Variants in SDK2 observed in about 807,000 individuals in gnomAD.
The protein encoded by SDK2 is sidekick cell adhesion molecule 2.
SDK2 carries 105 observed loss-of-function variants against 253.9 expected under a neutral mutation model. The observed-to-expected ratio is 0.41, with a 90% CI of 0.35 to 0.49. The LOEUF is 0.49. Ranked by LOEUF, SDK2 falls within the 20% of genes least tolerant of loss-of-function variation. The pLI is 0.06. For synonymous variants in SDK2, 1,249 were observed against 1,234.9 expected (o/e 1.01, Z -0.24); for missense variants, 2,608 against 3,003.0 (o/e 0.87, Z 3.07).
At chr17:73,568,738 A>G (rs2045341688) in intron 1 of SDK2, among the ~76,000 whole-genome samples, 1 of 152,116 alleles carries the variant, frequency 6.6e-6, no homozygotes, top group Admixed American at 6.5e-5. Context: ...GGAGAAAGAC[A>G]AATTGAAGAT....
chr17:73,524,784 C>A (rs948721052), intron 1 of SDK2, among the ~76,000 whole-genome samples: 1 of 152,224 alleles, frequency 6.6e-6, no homozygotes, highest in African/African-American at 2.4e-5. Context: ...GATTGGAATG[C>A]CAAGCTGTCT....
At chr17:73,396,825 G>A (rs556050253) in intron 24 of SDK2, among the ~76,000 whole-genome samples, 2 of 152,332 alleles carry the variant, frequency 1.3e-5, no homozygotes, top group South Asian at 2.1e-4. Flanking sequence ...GGATGCCTGG[G>A]AGCAAAGAGG....
intron 1 of SDK2, among the ~76,000 whole-genome samples, chr17:73,557,217 C>T (rs1050289562): frequency 7.9e-5 from 12 of 152,198 alleles, no homozygotes; most frequent in African/African-American, 2.4e-4. Context: ...TCATAGCGCA[C>T]GCTCAACAAA....
intron 18 of SDK2, among the ~76,000 whole-genome samples, chr17:73,409,203 G>A (rs1005917428): frequency 1.3e-4 from 20 of 152,136 alleles, no homozygotes; most frequent in Non-Finnish European, 2.6e-4. Flanking sequence ...GGGGGCAGCC[G>A]GGTGTGGTGG....
intron 1 of SDK2, among the ~76,000 whole-genome samples, chr17:73,550,981 G>A (rs1411245079): frequency 1.3e-5 from 2 of 152,136 alleles, no homozygotes; most frequent in Non-Finnish European, 2.9e-5. Flanking sequence ...CCTGTCTCCT[G>A]TCAGTGCTTC....
At chr17:73,388,293 A>G (rs1452605122) in intron 29 of SDK2, among the ~76,000 whole-genome samples, 6 of 152,160 alleles carry the variant, frequency 3.9e-5, no homozygotes, top group African/African-American at 7.2e-5. Flanking sequence ...GGGCAGCCCT[A>G]AGCAAGGATT....
chr17:73,510,326 TA>T lies in SDK2; in HGVS notation c.65-2730del, dbSNP rs150377396. On this transcript the variant is annotated intron_variant, in intron 1 of 44. Transcript: ENST00000392650. ...CTGAGGGCTCAATCTTATTAATATA[TA>T]ACCTGCGGCAGGTTGGGAGGCTTTT... 2.9e-3 allele frequency among the ~76,000 whole-genome samples: 447 copies of T among 152,220 alleles called. 2 individuals carry two copies. Among genetic ancestry groups the T allele is most frequent in the East Asian group, 0.011 (59 of 5,168 alleles).
At chr17:73,430,714 G>T in intron 11 of SDK2, 101 bp from the exon 12 acceptor site, 1 of 724,388 alleles carries the variant, frequency 1.4e-6, no homozygotes, top group Non-Finnish European at 2.1e-6. Context: ...TGGTTAAAAA[G>T]AACAATGAGC....
At chr17:73,345,156 T>TA (rs2062472042) in intron 44 of SDK2, among the ~76,000 whole-genome samples, 1 of 152,084 alleles carries the variant, frequency 6.6e-6, no homozygotes, top group Non-Finnish European at 1.5e-5. Flanking sequence ...CCGTCTTTAC[T>TA]AAAAATACAA....
intron 4 of SDK2, among the ~76,000 whole-genome samples, chr17:73,448,909 C>T (rs1043440639): frequency 6.6e-6 from 1 of 152,148 alleles, no homozygotes; most frequent in Non-Finnish European, 1.5e-5. Context: ...GATCTGCCTG[C>T]CTTGGCCTCT....
intron 24 of SDK2, among the ~76,000 whole-genome samples, chr17:73,396,646 C>T (rs1404876174): frequency 2.0e-5 from 3 of 152,240 alleles, no homozygotes; most frequent in African/African-American, 7.2e-5. Context: ...TAATGGACCA[C>T]GCACCATTAA....
chr17:73,585,896 C>T (rs544668662), intron 1 of SDK2, among the ~76,000 whole-genome samples: 182 of 152,298 alleles, frequency 1.2e-3, no homozygotes, highest in African/African-American at 4.0e-3. Flanking sequence ...GAAAGACATA[C>T]AGAATTGAAT....
intron 2 of SDK2, among the ~76,000 whole-genome samples, chr17:73,492,049 C>T (rs1027967159): frequency 1.3e-5 from 2 of 152,082 alleles, no homozygotes; most frequent in African/African-American, 4.8e-5. Flanking sequence ...GTAGCTTCTA[C>T]ATTCACCCTC....
chr17:73,352,844 C>A lies in SDK2; in HGVS notation c.5594-207G>T, dbSNP rs1201766293. 6.6e-6 allele frequency among the ~76,000 whole-genome samples: 1 copy of A among 152,214 alleles called. No homozygotes were observed. The highest frequency in any genetic ancestry group is 1.5e-5 in the Non-Finnish European group (1 of 68,038). ...CGGTGGCTCATGCCTGTAATTCCAGCACTTTGAGAGGCCGAGGTGGGTGGA... is the reference window on the plus strand; with the variant it reads ...CGGTGGCTCATGCCTGTAATTCCAGAACTTTGAGAGGCCGAGGTGGGTGGA... On this transcript the variant is annotated intron_variant, in intron 40 of 44. Coordinates refer to ENST00000392650, the MANE Select transcript of SDK2 (RefSeq NM_001144952.2). This position sits in a 1 kb window ranked among gnomAD's most constrained non-coding sequence, Gnocchi z 4.1.
intron 2 of SDK2, among the ~76,000 whole-genome samples, chr17:73,483,701 ATATATATTTTTT>A (rs2063752347): frequency 1.6e-5 from 1 of 63,094 alleles, no homozygotes; most frequent in African/African-American, 7.8e-5. Context: ...ATATATATAT[ATATATATTTTTT>A]TTTTTTTTTA....
chr17:73,416,214 T>TTTTTTTTTTTG (rs2063181270), intron 16 of SDK2, among the ~76,000 whole-genome samples: 1 of 150,980 alleles, frequency 6.6e-6, no homozygotes, highest in African/African-American at 2.4e-5. Context: ...TTTTTTTTTT[T>TTTTTTTTTTTG]GAGACGGAGT....
rs549643957 is a variant in SDK2 at position 73,470,183 on chromosome 17, C to T, written c.331+1929G>A. ...CATGCAATGCAAGGGCACACATTTG[C>T]ACTCACTCACACTCATGCTTACAAT... On this transcript the variant is annotated intron_variant, in intron 3 of 44. Coordinates refer to ENST00000392650, the MANE Select transcript of SDK2 (RefSeq NM_001144952.2). Among the ~76,000 whole-genome samples, 6 of 152,214 alleles carry T rather than the reference C, an allele frequency of 3.9e-5. No homozygotes were observed. In the South Asian group the frequency reaches 1.2e-3, roughly 32 times the overall value.
Position 73,352,744 on chromosome 17 carries a change from T to C in SDK2, c.5594-107A>G. The C allele has an allele frequency of 8.7e-7, 1 of 1,143,638 alleles. No individual in the cohort carries two copies. The highest frequency in any genetic ancestry group is 1.3e-6 in the Non-Finnish European group (1 of 792,432). The allele number at this position is 1,143,638 out of a possible 1,614,324, so 70.8% of individuals were successfully genotyped here. A position where few individuals can be genotyped will look rare whatever the true frequency, so the allele number is the denominator to read the frequency against. On this transcript the variant is annotated intron_variant, in intron 40 of 44. Coordinates refer to ENST00000392650, the MANE Select transcript of SDK2 (RefSeq NM_001144952.2). The surrounding 1 kb of genome is among the most constrained non-coding windows in gnomAD (Gnocchi z 4.1). ...CCTGAGGGCTGGGCCTGTTGGATCC[T>C]CCCTGCTCCACACTGAATCGCAGGC...
At chr17:73,586,035 G>A (rs1056864816) in intron 1 of SDK2, among the ~76,000 whole-genome samples, 2 of 152,192 alleles carry the variant, frequency 1.3e-5, no homozygotes, top group Non-Finnish European at 2.9e-5. Flanking sequence ...ATCCTTTGGG[G>A]ATGTATGCAT....
Sources: gnomAD v4.1 joint callset for allele counts (sites outside exome capture counted in the v4.1 genomes callset) on GRCh38, gnomAD v4.1.1 for gene constraint, Gnocchi (gnomAD v3.1) non-coding constraint, MANE v1.5 for transcripts, NCBI Gene and HGNC (gene_info 2026-07-23, HGNC 2026-07-21) for gene names.